Variants in PCSK5 observed in about 807,000 individuals in gnomAD.
The protein encoded by PCSK5 is prohormone convertase 5.
In PCSK5, 129 loss-of-function variants were observed where a neutral mutation model predicts 233.2. The ratio of observed to expected loss-of-function variants is 0.55; its 90% CI spans 0.48 to 0.64. The LOEUF (loss-of-function observed/expected upper bound fraction) is 0.64. Ranked by LOEUF, PCSK5 falls within the 30% of genes least tolerant of loss-of-function variation. The pLI is 0.00. For missense variants in PCSK5, 2,076 were observed against 2,430.1 expected (o/e 0.85, Z 3.06); for synonymous variants, 825 against 879.2 (o/e 0.94, Z 1.09).
At chr9:76,299,550 T>C (rs910368083) in intron 27 of PCSK5, among the ~76,000 whole-genome samples, 5 of 152,092 alleles carry the variant, frequency 3.3e-5, no homozygotes, top group African/African-American at 7.2e-5. Context: ...TCAGTACCTG[T>C]AATCCCAGCT....
intron 10 of PCSK5, among the ~76,000 whole-genome samples, chr9:76,147,686 C>G (rs1299666116): frequency 1.3e-5 from 2 of 152,162 alleles, no homozygotes; most frequent in Non-Finnish European, 2.9e-5. Context: ...AATGAATTAT[C>G]TTCTCTCCTG....
At chr9:76,169,481 T>C (rs1823234476) in intron 12 of PCSK5, among the ~76,000 whole-genome samples, 1 of 151,988 alleles carries the variant, frequency 6.6e-6, no homozygotes, top group Non-Finnish European at 1.5e-5. Context: ...CCAGATTTGC[T>C]ATTACATAGC....
intron 1 of PCSK5, among the ~76,000 whole-genome samples, chr9:75,901,583 C>G (rs1404235206): frequency 6.6e-6 from 1 of 150,462 alleles, no homozygotes; most frequent in African/African-American, 2.5e-5. Flanking sequence ...CACATGTATA[C>G]CTGTGTAACA....
Position 76,321,477 on chromosome 9 carries a change from T to A in PCSK5, c.3940T>A (p.Cys1314Ser), listed in dbSNP as rs1384252335. 1 of 1,611,882 alleles carries A rather than the reference T, an allele frequency of 6.2e-7. No homozygotes were observed. The highest frequency in any genetic ancestry group is 1.7e-5 in the Admixed American group (1 of 59,998). ...CERCSSPCRTCEGNATNCHSC... is the reference protein window; with the variant it reads ...CERCSSPCRTSEGNATNCHSC... Reference sequence around the variant, plus strand: ...ACGCTGTAGCTCTCCTTGCAGAACATGTGAAGGAAACGCCACCAACTGCCA... The same window carrying A: ...ACGCTGTAGCTCTCCTTGCAGAACAAGTGAAGGAAACGCCACCAACTGCCA... The change falls in exon 31 of 38, where the codon TGT (cysteine) becomes AGT (serine). Residue 1314 changes from cysteine to serine, a missense_variant. Cys to Ser is a moderately radical substitution (Grantham distance 112, BLOSUM62 -1). Transcript: ENST00000674117.
At chr9:75,955,542 A>G (rs2131333426) in intron 2 of PCSK5, among the ~76,000 whole-genome samples, 1 of 152,312 alleles carries the variant, frequency 6.6e-6, no homozygotes. Context: ...CACTACTACT[A>G]AAAATAGGAA....
At chr9:76,111,236 A>G (rs1366508299) in intron 9 of PCSK5, among the ~76,000 whole-genome samples, 1 of 152,216 alleles carries the variant, frequency 6.6e-6, no homozygotes, top group Non-Finnish European at 1.5e-5. Flanking sequence ...CCACTCTAAT[A>G]TGCTCGCAGA....
At chr9:76,282,281 C>T (rs1233504712) in intron 24 of PCSK5, among the ~76,000 whole-genome samples, 1 of 150,128 alleles carries the variant, frequency 6.7e-6, no homozygotes, top group Non-Finnish European at 1.5e-5. Flanking sequence ...CTGTGCCTGG[C>T]CAATTTTTTA....
rs1832011887 is a variant in PCSK5, at chr9:76,107,170, A to G, written c.1108-81A>G. 5 of 769,600 alleles carry G rather than the reference A, an allele frequency of 6.5e-6. No homozygotes were observed. The East Asian group carries it at 8.0e-5, about 12-fold the overall frequency. 47.7% of individuals were successfully genotyped at this position (769,600 alleles called of 1,614,324 possible). ...AGTATTTAACATATACCCCCATTCT[A>G]TTTTTATGAGTATATTTCTTTCTAC... is the stretch of plus-strand genomic sequence containing the variant. On this transcript the variant is annotated intron_variant, in intron 8 of 37. Transcript: ENST00000674117.
intron 3 of PCSK5, among the ~76,000 whole-genome samples, chr9:76,012,589 A>T (rs908679553): frequency 3.3e-5 from 5 of 152,236 alleles, no homozygotes; most frequent in Non-Finnish European, 7.3e-5. Flanking sequence ...ATACTAAGTT[A>T]TTCTCCTTTT....
rs535249056 is a variant in PCSK5, at chr9:76,053,022, G to A, written c.633-14933G>A. ...TCTAGGTCACACTGATGCAAGAGGTGGGCTCCCATGGCATTGGACAGTTCC... is the reference window on the plus strand; with the variant it reads ...TCTAGGTCACACTGATGCAAGAGGTAGGCTCCCATGGCATTGGACAGTTCC... On this transcript the variant is annotated intron_variant, in intron 5 of 37. Coordinates refer to ENST00000674117, the MANE Select transcript of PCSK5 (RefSeq NM_001372043.1). Among the ~76,000 whole-genome samples, 44 of 152,308 alleles carry A rather than the reference G, an allele frequency of 2.9e-4. 1 individual carries two copies. In the East Asian group the frequency reaches 8.3e-3, roughly 29 times the overall value.
chr9:76,302,959 CTTTTT>C lies in PCSK5; in HGVS notation c.3604+762_3604+766del, dbSNP rs10552673. Reference sequence around the variant, plus strand: ...CTGCACTTTCTGGGTCAAAGTGGTTCTTTTTTTTTTTTTTTTTTTTTTTTGTGGTC... The same window carrying C: ...CTGCACTTTCTGGGTCAAAGTGGTTCTTTTTTTTTTTTTTTTTTTGTGGTC... On this transcript the variant is annotated intron_variant, in intron 28 of 37. Transcript: ENST00000674117. Among the ~76,000 whole-genome samples, 546 of 87,554 alleles carry C rather than the reference CTTTTT, an allele frequency of 6.2e-3. 1 individual carries two copies. The highest frequency in any genetic ancestry group is 0.02 in the African/African-American group (490 of 24,008). The allele number at this position is 87,554 out of a possible 152,430, so 57.4% of individuals were successfully genotyped here. A position where few individuals can be genotyped will look rare whatever the true frequency, so the allele number is the denominator to read the frequency against.
intron 5 of PCSK5, among the ~76,000 whole-genome samples, chr9:76,035,148 G>A (rs1828808501): frequency 6.6e-6 from 1 of 152,156 alleles, no homozygotes; most frequent in Non-Finnish European, 1.5e-5. Flanking sequence ...AAACAGCCCA[G>A]TGTTTCCTGA....
At chr9:76,279,022 A>C (rs1299535343) in intron 24 of PCSK5, among the ~76,000 whole-genome samples, 1 of 148,684 alleles carries the variant, frequency 6.7e-6, no homozygotes. Flanking sequence ...CTAACTCGTC[A>C]TCTAGCATTA....
intron 1 of PCSK5, among the ~76,000 whole-genome samples, chr9:75,905,518 A>C (rs1441048913): frequency 6.6e-6 from 1 of 152,218 alleles, no homozygotes; most frequent in Non-Finnish European, 1.5e-5. Flanking sequence ...CTGTCTCAAA[A>C]AATAATAACA....
intron 12 of PCSK5, among the ~76,000 whole-genome samples, chr9:76,164,420 C>T (rs1488372761): frequency 2.6e-5 from 4 of 152,160 alleles, no homozygotes; most frequent in Non-Finnish European, 5.9e-5. Context: ...GGTTGGTACA[C>T]GTATTAAGAT....
intron 5 of PCSK5, among the ~76,000 whole-genome samples, chr9:76,028,608 C>T (rs1828528239): frequency 6.6e-6 from 1 of 152,122 alleles, no homozygotes; most frequent in African/African-American, 2.4e-5. Flanking sequence ...CTGCAAATAC[C>T]TCAAGCACTG....
At chr9:76,287,846 T>A (rs752196562) in intron 24 of PCSK5, 2 of 213,456 alleles carry the variant, frequency 9.4e-6, no homozygotes, top group Admixed American at 8.3e-5. Context: ...CTGACAGACA[T>A]ACTTCAGGCT....
chr9:76,167,807 T>C (rs889702968), intron 12 of PCSK5, among the ~76,000 whole-genome samples: 14 of 152,108 alleles, frequency 9.2e-5, no homozygotes, highest in African/African-American at 3.4e-4. Flanking sequence ...AGAGAGTTGA[T>C]TTGTGTGTTC....
chr9:76,000,074 A>G (rs1420601433), intron 3 of PCSK5, among the ~76,000 whole-genome samples: 2 of 152,212 alleles, frequency 1.3e-5, no homozygotes, highest in African/African-American at 4.8e-5. Context: ...TAGATTTACA[A>G]GAAACAAACA....
Sources: allele counts gnomAD v4.1 joint callset (sites outside exome capture counted in the v4.1 genomes callset), GRCh38; gene constraint gnomAD v4.1.1; transcripts MANE v1.5; gene names NCBI Gene and HGNC (gene_info 2026-07-23, HGNC 2026-07-21).